Variants in RFX4 observed in about 807,000 individuals in gnomAD.
The protein encoded by RFX4 is transcription factor RFX4.
A neutral mutation model predicts 95.0 loss-of-function variants in RFX4; 10 were observed. The observed-to-expected ratio is 0.11, with a 90% CI of 0.06 to 0.18. The LOEUF is 0.18. Among genes scored for constraint, RFX4 ranks in the 10% least tolerant of loss-of-function variants. The probability of loss-of-function intolerance (pLI) is 1.00; values close to 1 mark genes in which losing one functional copy is unlikely to be tolerated. For synonymous variants in RFX4, 321 were observed against 340.7 expected, an observed-to-expected ratio of 0.94 and a Z score of 0.64; for missense variants, 640 against 922.0, an observed-to-expected ratio of 0.69 and a Z score of 3.96.
intron 3 of RFX4, among the ~76,000 whole-genome samples, chr12:106,652,713 T>C (rs1042667232): frequency 6.6e-6 from 1 of 152,030 alleles, no homozygotes. Flanking sequence ...CTCTGTGGGG[T>C]TTGGGTATGA....
intron 2 of RFX4, among the ~76,000 whole-genome samples, chr12:106,623,288 G>A (rs1293096450): frequency 6.6e-6 from 1 of 151,942 alleles, no homozygotes; most frequent in African/African-American, 2.4e-5. Context: ...CTCCCAAAGT[G>A]CTGGGATTAC....
In RFX4 at chr12:106,689,249, G is replaced by A. The variant is rs556401247; in HGVS notation, c.592-38G>A. ...AAGGGCAGCAGCAATGTGTATTAAT[G>A]TATGTCTTTGTTGTTGATCCTCTAC... is the stretch of plus-strand genomic sequence containing the variant. On this transcript the variant is annotated intron_variant, in intron 6 of 17. Transcript: ENST00000392842. 2.7e-6 allele frequency: 4 copies of A among 1,491,262 alleles called. No individual in the cohort carries two copies. The Admixed American group carries it at 5.0e-5, about 19-fold the overall frequency. 92.4% of individuals were successfully genotyped at this position (1,491,262 alleles called of 1,614,324 possible).
intron 15 of RFX4, among the ~76,000 whole-genome samples, chr12:106,735,710 C>T (rs1054051000): frequency 4.6e-5 from 7 of 151,348 alleles, no homozygotes; most frequent in African/African-American, 1.2e-4. Context: ...TTTTTTCCCC[C>T]GTGAGGACAT....
intron 7 of RFX4, among the ~76,000 whole-genome samples, chr12:106,694,332 C>T (rs1239826157): frequency 6.6e-6 from 1 of 152,184 alleles, no homozygotes; most frequent in Non-Finnish European, 1.5e-5. Context: ...GAAGCCTATT[C>T]ACAGGAGGCT....
At chr12:106,699,920 T>C (rs2041953155) in intron 8 of RFX4, among the ~76,000 whole-genome samples, 1 of 152,136 alleles carries the variant, frequency 6.6e-6, no homozygotes, top group Non-Finnish European at 1.5e-5. Context: ...TCTTCCCTCT[T>C]CCTAGTTGTT....
At chr12:106,625,143 G>A (rs894627672) in intron 2 of RFX4, among the ~76,000 whole-genome samples, 4 of 152,212 alleles carry the variant, frequency 2.6e-5, no homozygotes, top group Non-Finnish European at 5.9e-5. Flanking sequence ...CTGAGGCTTA[G>A]AGAAGGGATG....
At chr12:106,716,540 T>C (rs1820542230) in intron 11 of RFX4, among the ~76,000 whole-genome samples, 1 of 152,150 alleles carries the variant, frequency 6.6e-6, no homozygotes, top group Admixed American at 6.6e-5. Flanking sequence ...TAGAGATCTC[T>C]TTCCCATTAA....
intron 4 of RFX4, among the ~76,000 whole-genome samples, chr12:106,665,077 GA>G (rs1385765344): frequency 6.6e-6 from 1 of 151,816 alleles, no homozygotes; most frequent in African/African-American, 2.4e-5. Flanking sequence ...ATTTCTGATA[GA>G]GGGGTATTGA....
At chr12:106,709,726 C>A (rs566821423) in intron 9 of RFX4, among the ~76,000 whole-genome samples, 1 of 152,164 alleles carries the variant, frequency 6.6e-6, no homozygotes, top group Admixed American at 6.5e-5. Context: ...CCACCACCAC[C>A]ATCCTCCTTA....
chr12:106,591,923 AG>A (rs1450472102), intron 1 of RFX4, among the ~76,000 whole-genome samples: 5 of 152,328 alleles, frequency 3.3e-5, no homozygotes, highest in East Asian at 3.9e-4. Context: ...CCATCAGACA[AG>A]GTTCAAATCC....
chr12:106,695,894 T>C (rs1461437316), intron 7 of RFX4, among the ~76,000 whole-genome samples: 1 of 152,170 alleles, frequency 6.6e-6, no homozygotes, highest in Non-Finnish European at 1.5e-5. Context: ...TGAGGTTCAG[T>C]GGGCTCAAAG....
At chr12:106,621,097 T>C (rs557055151) in intron 2 of RFX4, among the ~76,000 whole-genome samples, 3 of 152,296 alleles carry the variant, frequency 2.0e-5, no homozygotes, top group East Asian at 3.9e-4. Flanking sequence ...TACCATCAAT[T>C]TGTACAGTTA....
At chr12:106,746,263 G>A (rs1404868669) in intron 15 of RFX4, among the ~76,000 whole-genome samples, 3 of 151,808 alleles carry the variant, frequency 2.0e-5, no homozygotes, top group Middle Eastern at 3.2e-3. Flanking sequence ...GGCTGAGGCC[G>A]GAGAATCACT....
At chr12:106,729,457 G>A (rs1459185964) in intron 13 of RFX4, among the ~76,000 whole-genome samples, 2 of 152,148 alleles carry the variant, frequency 1.3e-5, no homozygotes, top group Non-Finnish European at 2.9e-5. Flanking sequence ...CTTCTGTAAT[G>A]TACATTTTAC....
chr12:106,750,964 T>C (rs1566007070), intron 17 of RFX4, among the ~76,000 whole-genome samples, 171 bp downstream of exon 17: 2 of 151,792 alleles, frequency 1.3e-5, no homozygotes. Context: ...ACTTTAAGTT[T>C]TAGGGTACAT....
intron 1 of RFX4, among the ~76,000 whole-genome samples, chr12:106,605,721 G>A (rs748304602): frequency 2.6e-5 from 4 of 152,212 alleles, no homozygotes; most frequent in Non-Finnish European, 5.9e-5. Context: ...AACAAATGTG[G>A]TTCTTTGATG....
At chr12:106,638,618 A>G (rs972300386) in intron 2 of RFX4, among the ~76,000 whole-genome samples, 17 of 152,162 alleles carry the variant, frequency 1.1e-4, no homozygotes, top group African/African-American at 4.1e-4. Context: ...AACAACAGAG[A>G]TTTATTTCTC....
intron 17 of RFX4, among the ~76,000 whole-genome samples, chr12:106,751,763 A>T (rs2043010715): frequency 1.3e-5 from 2 of 152,052 alleles, no homozygotes; most frequent in Admixed American, 6.6e-5. Context: ...TCATGTCCTT[A>T]GCCCACTTTT....
At position 106,586,554 on chromosome 12, in the gene RFX4, C is replaced by T. The variant is rs1039509151; in HGVS notation, c.43+3191C>T. Among the ~76,000 whole-genome samples, 8 of 151,906 alleles carry T rather than the reference C, an allele frequency of 5.3e-5. No homozygotes were observed. Among genetic ancestry groups the T allele is most frequent in the Non-Finnish European group, 7.4e-5 (5 of 67,988 alleles). On this transcript the variant is annotated intron_variant, in intron 1 of 17. Transcript: ENST00000392842. This position sits in a 1 kb window ranked among gnomAD's most constrained non-coding sequence, Gnocchi z 5.6. ...AACGGGATGGCGCGTTAGAGAGGGC[C>T]ACTGCCAAGCTGGAGCTGGAAACTT... is the stretch of plus-strand genomic sequence containing the variant.
Sources: gnomAD v4.1 joint callset for allele counts (sites outside exome capture counted in the v4.1 genomes callset) on GRCh38, gnomAD v4.1.1 for gene constraint, Gnocchi (gnomAD v3.1) non-coding constraint, MANE v1.5 for transcripts, NCBI Gene and HGNC (gene_info 2026-07-23, HGNC 2026-07-21) for gene names.